SPOP: variants seen among roughly 807,000 people sequenced by gnomAD.
The protein encoded by SPOP is speckle-type POZ protein.
SPOP carries 11 observed loss-of-function variants against 45.6 expected under a neutral mutation model. The observed-to-expected ratio is 0.24, with a 90% CI of 0.15 to 0.40. The LOEUF is 0.40. Among genes scored for constraint, SPOP ranks in the 10% least tolerant of loss-of-function variants. SPOP has a pLI of 1.00. For synonymous variants in SPOP, 166 were observed against 166.3 expected, an observed-to-expected ratio of 1.00 and a Z score of 0.01; for missense variants, 152 against 465.6, an observed-to-expected ratio of 0.33 and a Z score of 6.20.
chr17:49,634,089 A>G (rs1366414823), intron 1 of SPOP, among the ~76,000 whole-genome samples: 1 of 152,182 alleles, frequency 6.6e-6, no homozygotes, highest in Non-Finnish European at 1.5e-5. Flanking sequence ...GAAATACCTG[A>G]AATGGAAGGA....
At chr17:49,654,422 G>A (rs2072880922) in intron 1 of SPOP, among the ~76,000 whole-genome samples, 1 of 152,180 alleles carries the variant, frequency 6.6e-6, no homozygotes, top group Admixed American at 6.5e-5. Context: ...CTGTTACAAT[G>A]TCTGGCATGT....
intron 1 of SPOP, among the ~76,000 whole-genome samples, chr17:49,628,790 C>T (rs1293017996): frequency 2.0e-5 from 3 of 152,226 alleles, no homozygotes; most frequent in African/African-American, 7.2e-5. Context: ...ATGCTTTCAA[C>T]TGAACCTACG....
intron 1 of SPOP, among the ~76,000 whole-genome samples, chr17:49,645,651 AG>A (rs2072743946): frequency 6.6e-6 from 1 of 152,156 alleles, no homozygotes. Flanking sequence ...ATCTTCATAA[AG>A]ACCATAAATC....
chr17:49,615,505 T>C (rs2072066658), intron 5 of SPOP, among the ~76,000 whole-genome samples: 1 of 152,104 alleles, frequency 6.6e-6, no homozygotes, highest in Non-Finnish European at 1.5e-5. Context: ...TATTTATTTA[T>C]TTATTTATTT....
At chr17:49,675,153 T>G (rs562434824) in intron 1 of SPOP, among the ~76,000 whole-genome samples, 116 of 152,342 alleles carry the variant, frequency 7.6e-4, no homozygotes, top group African/African-American at 2.6e-3. Context: ...ACTAGGAATT[T>G]AAACCAACAG....
chr17:49,670,966 A>G (rs540708426), intron 1 of SPOP, among the ~76,000 whole-genome samples: 1 of 152,196 alleles, frequency 6.6e-6, no homozygotes, highest in Non-Finnish European at 1.5e-5. Flanking sequence ...ATGTTTTTAT[A>G]TAATAATAAA....
chr17:49,641,428 G>T lies in SPOP; in HGVS notation c.-66-18552C>A, dbSNP rs551867076. On this transcript the variant is annotated intron_variant, in intron 1 of 9. Coordinates refer to ENST00000504102, the MANE Select transcript of SPOP (RefSeq NM_001007228.2). ...TGGAAAATAAACTCTACCAAGACAGGTTCTTGTCTGTTTTGCTGCTGCACC... is the reference window on the plus strand; with the variant it reads ...TGGAAAATAAACTCTACCAAGACAGTTTCTTGTCTGTTTTGCTGCTGCACC... Among the ~76,000 whole-genome samples the T allele has an allele frequency of 7.3e-5, 11 of 151,548 alleles. No homozygotes were observed. The South Asian group carries it at 1.9e-3, about 26-fold the overall frequency.
At chr17:49,672,255 A>G (rs1299691463) in intron 1 of SPOP, among the ~76,000 whole-genome samples, 7 of 152,232 alleles carry the variant, frequency 4.6e-5, no homozygotes, top group South Asian at 2.1e-4. Flanking sequence ...CCAAAAACCA[A>G]TGAATTAACT....
intron 1 of SPOP, among the ~76,000 whole-genome samples, chr17:49,633,529 C>CAA (rs144151654): frequency 1.3e-5 from 2 of 151,430 alleles, no homozygotes; most frequent in African/African-American, 4.9e-5. Flanking sequence ...TTCCAGTCAG[C>CAA]AAAAAAAATC....
chr17:49,618,504 C>G (rs191703357), intron 5 of SPOP: 2 of 454,734 alleles, frequency 4.4e-6, no homozygotes, highest in East Asian at 1.4e-4. Flanking sequence ...TGGTTCTCAC[C>G]TTCTTATTTC....
At chr17:49,632,852 T>C (rs540326232) in intron 1 of SPOP, among the ~76,000 whole-genome samples, 74 of 152,334 alleles carry the variant, frequency 4.9e-4, no homozygotes, top group African/African-American at 1.5e-3. Context: ...ATTTGATCTA[T>C]TGTTTTTGTA....
rs1215848019 is a variant in SPOP, at chr17:49,678,054, C to T, written c.-188G>A. ...TACACACACACTCGGAGCGCGCACA[C>T]TCACACACACACATACACACCGACA... On this transcript the variant is annotated 5_prime_UTR_variant, in exon 1 of 10. In the 5' UTR this introduces an upstream ATG that the reference lacks. Transcript: ENST00000504102. 1.8e-5 allele frequency: 7 copies of T among 399,484 alleles called. No homozygotes were observed. Among genetic ancestry groups the T allele is most frequent in the Non-Finnish European group, 2.6e-5 (6 of 226,504 alleles). 24.7% of individuals were successfully genotyped at this position (399,484 alleles called of 1,614,324 possible). A position where few individuals can be genotyped will look rare whatever the true frequency, so the allele number is the denominator to read the frequency against.
intron 1 of SPOP, among the ~76,000 whole-genome samples, chr17:49,674,749 A>T (rs1222213201): frequency 6.6e-6 from 1 of 152,248 alleles, no homozygotes; most frequent in African/African-American, 2.4e-5. Context: ...CTAACAGAGA[A>T]ACTAGCATCT....
intron 3 of SPOP, among the ~76,000 whole-genome samples, chr17:49,620,451 G>C (rs1221241912): frequency 7.0e-6 from 1 of 141,916 alleles, no homozygotes. Context: ...CTGGGCGATA[G>C]AGTGAGACTC....
intron 2 of SPOP, chr17:49,622,324 C>A (rs1417882841): frequency 1.7e-6 from 1 of 590,012 alleles, no homozygotes; most frequent in South Asian, 1.5e-5. Flanking sequence ...AAAACAGAAA[C>A]AAAAAACCCA....
rs142631329 is a variant in SPOP at position 49,671,033 on chromosome 17, T to C, written c.-67+6900A>G. Among the ~76,000 whole-genome samples, 327 of 152,210 alleles carry C rather than the reference T, an allele frequency of 2.1e-3. 1 individual carries two copies. Among genetic ancestry groups the C allele is most frequent in the African/African-American group, 6.5e-3 (272 of 41,536 alleles). ...ATTTCAACTTCTAAATTTTATTCTG[T>C]GTGCCTTTCATCTTAGAAAAAAACA... is the stretch of plus-strand genomic sequence containing the variant. On this transcript the variant is annotated intron_variant, in intron 1 of 9. Transcript: ENST00000504102.
intron 1 of SPOP, among the ~76,000 whole-genome samples, chr17:49,657,405 T>A (rs989262642): frequency 6.6e-6 from 1 of 152,026 alleles, no homozygotes; most frequent in African/African-American, 2.4e-5. Context: ...CACAGCAAAT[T>A]TTTTCTTTCT....
At chr17:49,610,757 T>C (rs2071955414) in intron 6 of SPOP, among the ~76,000 whole-genome samples, 1 of 152,144 alleles carries the variant, frequency 6.6e-6, no homozygotes, top group African/African-American at 2.4e-5. Context: ...CCTCATCAGT[T>C]CCTCCTTGGT....
chr17:49,669,658 G>T (rs890952075), intron 1 of SPOP, among the ~76,000 whole-genome samples: 3 of 149,764 alleles, frequency 2.0e-5, no homozygotes, highest in African/African-American at 7.4e-5. Context: ...CCAGCTACTC[G>T]GGAGGCTTAG....
Sources: allele counts gnomAD v4.1 joint callset (sites outside exome capture counted in the v4.1 genomes callset), GRCh38; gene constraint gnomAD v4.1.1; transcripts MANE v1.5; gene names NCBI Gene and HGNC (gene_info 2026-07-23, HGNC 2026-07-21).